MAP3K9: variants seen among roughly 807,000 people sequenced by gnomAD.
MAP3K9 encodes the protein mixed lineage kinase 1 (tyr and ser/thr specificity).
MAP3K9 carries 46 observed loss-of-function variants against 95.8 expected under a neutral mutation model. That is an observed-to-expected ratio of 0.48 (90% CI 0.38 to 0.61). MAP3K9 has a LOEUF of 0.61. Among genes scored for constraint, MAP3K9 ranks in the 20% least tolerant of loss-of-function variants. The probability of loss-of-function intolerance (pLI) is 0.00; values close to 1 mark genes in which losing one functional copy is unlikely to be tolerated. For synonymous variants in MAP3K9, 533 were observed against 593.8 expected (o/e 0.90, Z 1.49); for missense variants, 1,296 against 1,474.3 (o/e 0.88, Z 1.98).
chr14:70,803,483 G>A (rs984203515), intron 1 of MAP3K9, among the ~76,000 whole-genome samples: 6 of 150,518 alleles, frequency 4.0e-5, no homozygotes, highest in Non-Finnish European at 7.4e-5. Flanking sequence ...AAGAGGAACT[G>A]CCACTGCTGA....
intron 2 of MAP3K9, among the ~76,000 whole-genome samples, chr14:70,778,101 ATTGTTGTTG>A (rs1377708675): frequency 2.6e-5 from 3 of 115,836 alleles, no homozygotes; most frequent in East Asian, 5.4e-4. Context: ...TGTTGTTGTT[ATTGTTGTTG>A]TTGTTGTTTT....
At chr14:70,802,864 A>G (rs770417554) in intron 1 of MAP3K9, among the ~76,000 whole-genome samples, 16 of 151,844 alleles carry the variant, frequency 1.1e-4, no homozygotes, top group Non-Finnish European at 2.1e-4. Flanking sequence ...AATAAAATGG[A>G]AAAAAAATCT....
chr14:70,798,824 G>C (rs2054896288), intron 2 of MAP3K9, among the ~76,000 whole-genome samples: 1 of 152,126 alleles, frequency 6.6e-6, no homozygotes. Flanking sequence ...TGGGGGTGGG[G>C]CGGGGATGAA....
intron 9 of MAP3K9, 54 bp from the exon 10 acceptor site, chr14:70,734,552 C>A (rs1359412520): frequency 4.9e-6 from 5 of 1,011,756 alleles, no homozygotes; most frequent in Non-Finnish European, 7.6e-6. Context: ...TCTTACTTGA[C>A]CCTCAGCTCC....
intron 3 of MAP3K9, 27 bp from the exon 4 acceptor site, chr14:70,750,108 A>C: frequency 6.2e-7 from 1 of 1,611,918 alleles, no homozygotes; most frequent in Non-Finnish European, 8.5e-7. Context: ...GACAGAAGCC[A>C]TGTAATAAAC....
intron 2 of MAP3K9, among the ~76,000 whole-genome samples, chr14:70,767,421 G>T: frequency 6.6e-6 from 1 of 150,556 alleles, no homozygotes; most frequent in Non-Finnish European, 1.5e-5. Context: ...CTCATCTCTT[G>T]CTGGTCACAT....
chr14:70,793,942 G>T (rs1006067359), intron 2 of MAP3K9, among the ~76,000 whole-genome samples: 2 of 152,164 alleles, frequency 1.3e-5, no homozygotes, highest in African/African-American at 4.8e-5. Context: ...ATTAGACCAG[G>T]GGTTCTAGTC....
chr14:70,762,519 A>T (rs770220565), intron 2 of MAP3K9, among the ~76,000 whole-genome samples: 1 of 152,158 alleles, frequency 6.6e-6, no homozygotes, highest in Non-Finnish European at 1.5e-5. Flanking sequence ...CTATCTTCTC[A>T]TGAGTTTGTT....
intron 2 of MAP3K9, among the ~76,000 whole-genome samples, chr14:70,783,919 A>T (rs1215424259): frequency 1.3e-5 from 2 of 152,208 alleles, no homozygotes; most frequent in Non-Finnish European, 2.9e-5. Context: ...TCTGGTTAAA[A>T]TTTTTTAAAT....
At chr14:70,798,032 G>A (rs1243082187) in intron 2 of MAP3K9, among the ~76,000 whole-genome samples, 1 of 152,162 alleles carries the variant, frequency 6.6e-6, no homozygotes, top group Non-Finnish European at 1.5e-5. Context: ...CAATCCTGAT[G>A]GCTCCCCTTG....
rs1229737528 is a variant in MAP3K9, at chr14:70,730,741, C to A, written c.2954G>T (p.Arg985Ile). 43 of 1,613,784 alleles carry A rather than the reference C, an allele frequency of 2.7e-5. No individual in the cohort carries two copies. The highest frequency in any genetic ancestry group is 3.6e-5 in the Non-Finnish European group (42 of 1,180,008). ...WNTQQDSTLE[R>I]PKTLEFLPRP... ...AGGCAGAAACTCCAGAGTCTTGGGT[C>A]TCTCCAAGGTAGAGTCCTGCTGAGT... Residue 985 changes from arginine (R) to isoleucine (I), a missense_variant, in exon 12 of 12, where the codon AGA becomes ATA. Physicochemically the swap from Arg to Ile is moderately conservative, Grantham distance 97. This residue lies in a region of MAP3K9 where 433 missense variants were observed against 441.4 expected (regional missense o/e 0.98). Transcript: ENST00000554752.
At position 70,730,595 on chromosome 14, in the gene MAP3K9, A is replaced by C; in HGVS notation, c.3100T>G (p.Ser1034Ala). 2 of 1,614,050 alleles carry C rather than the reference A, an allele frequency of 1.2e-6. No individual in the cohort carries two copies. The highest frequency in any genetic ancestry group is 1.7e-6 in the Non-Finnish European group (2 of 1,180,038). The change falls in exon 12 of 12, where the codon TCC becomes GCC. Residue 1034 changes from serine to alanine, a missense_variant. Transcript: ENST00000554752. ...GTGCTGCTACTGCTAGCAAAGCAGG[A>C]GTCCAGGTTGCTGGGCGTCTCTGTG... The part of the protein sequence containing the change: ...SSTETPSNLD[S>A]CFASSSSTVE...
intron 2 of MAP3K9, among the ~76,000 whole-genome samples, chr14:70,776,903 C>A (rs1423309126): frequency 6.6e-6 from 1 of 150,984 alleles, no homozygotes; most frequent in Non-Finnish European, 1.5e-5. Context: ...TTGATGTCAG[C>A]TCATTGCAAC....
chr14:70,766,658 C>T (rs1192285182), intron 2 of MAP3K9, among the ~76,000 whole-genome samples: 1 of 152,126 alleles, frequency 6.6e-6, no homozygotes, highest in Non-Finnish European at 1.5e-5. Flanking sequence ...CCATTTTATG[C>T]ACTCCAAACC....
At chr14:70,777,122 C>T (rs1020039649) in intron 2 of MAP3K9, among the ~76,000 whole-genome samples, 3 of 152,206 alleles carry the variant, frequency 2.0e-5, no homozygotes, top group Admixed American at 2.0e-4. Flanking sequence ...TGAGCCACCA[C>T]ACCCGGCCAA....
At chr14:70,800,592 G>T in intron 2 of MAP3K9, 75 bp downstream of exon 2, 1 of 1,459,714 alleles carries the variant, frequency 6.9e-7, no homozygotes, top group Non-Finnish European at 9.4e-7. Flanking sequence ...TCCATTAGAA[G>T]TCCACTCCTA....
intron 2 of MAP3K9, among the ~76,000 whole-genome samples, chr14:70,795,317 TA>T (rs1318538986): frequency 4.0e-5 from 6 of 148,730 alleles, no homozygotes; most frequent in Non-Finnish European, 8.9e-5. Flanking sequence ...TTTATTTATT[TA>T]TTTTTTTTGA....
intron 2 of MAP3K9, among the ~76,000 whole-genome samples, chr14:70,784,129 C>T (rs2054717185): frequency 6.6e-6 from 1 of 151,738 alleles, no homozygotes; most frequent in Admixed American, 6.6e-5. Flanking sequence ...ACTAAAAATA[C>T]AAAACTAGCT....
intron 2 of MAP3K9, among the ~76,000 whole-genome samples, chr14:70,788,075 G>A (rs926428255): frequency 2.6e-5 from 4 of 152,210 alleles, no homozygotes; most frequent in African/African-American, 9.6e-5. Context: ...AGTAAACTTA[G>A]GGTTTGGGAG....
Sources: allele counts gnomAD v4.1 joint callset (sites outside exome capture counted in the v4.1 genomes callset), GRCh38; gene constraint gnomAD v4.1.1; regional missense constraint gnomAD v4.1.1; transcripts MANE v1.5; gene names NCBI Gene and HGNC (gene_info 2026-07-23, HGNC 2026-07-21).